Variants in NDST4 observed in about 807,000 individuals in gnomAD.
NDST4 encodes N-deacetylase and N-sulfotransferase 4.
Under a neutral mutation model 100.8 loss-of-function variants are expected in NDST4, and 63 were observed. That is an observed-to-expected ratio of 0.62 (90% CI 0.51 to 0.77). The LOEUF is 0.77. Ranked by LOEUF, NDST4 falls within the 30% of genes least tolerant of loss-of-function variation. NDST4 has a pLI of 0.00. For missense variants in NDST4, 943 were observed against 1,018.4 expected (o/e 0.93, Z 1.01); for synonymous variants, 377 against 361.8 (o/e 1.04, Z -0.48).
intron 2 of NDST4, among the ~76,000 whole-genome samples, chr4:115,054,774 A>G (rs764575384): frequency 2.2e-4 from 34 of 152,132 alleles, no homozygotes; most frequent in Non-Finnish European, 4.4e-4. Flanking sequence ...CTTATATGTT[A>G]GTATTATCCT....
chr4:114,867,470 A>G (rs1349661500), intron 7 of NDST4, among the ~76,000 whole-genome samples: 1 of 152,000 alleles, frequency 6.6e-6, no homozygotes, highest in Admixed American at 6.6e-5. Flanking sequence ...AAAAGCAGGA[A>G]TCCACATCAT....
intron 1 of NDST4, among the ~76,000 whole-genome samples, chr4:115,092,356 A>G (rs567227): frequency 0.75 from 114,204 of 152,066 alleles, 43,680 homozygotes; most frequent in African/African-American, 0.88. Flanking sequence ...GGAGGCTGGA[A>G]AACAATTATT....
chr4:114,981,977 C>T (rs1187719876), intron 2 of NDST4, among the ~76,000 whole-genome samples: 1 of 152,106 alleles, frequency 6.6e-6, no homozygotes, highest in Non-Finnish European at 1.5e-5. Flanking sequence ...TGTCTCATGA[C>T]AGAGTTCTCA....
intron 2 of NDST4, among the ~76,000 whole-genome samples, chr4:115,029,992 C>A (rs1472618301): frequency 6.6e-6 from 1 of 152,074 alleles, no homozygotes; most frequent in African/African-American, 2.4e-5. Context: ...AAATTATTTT[C>A]TTTCAACACA....
At chr4:114,942,185 A>C (rs182352736) in intron 4 of NDST4, among the ~76,000 whole-genome samples, 1 of 152,326 alleles carries the variant, frequency 6.6e-6, no homozygotes, top group East Asian at 1.9e-4. Context: ...AATGCACATC[A>C]AAACAATTAA....
intron 2 of NDST4, among the ~76,000 whole-genome samples, chr4:115,025,144 C>G (rs1468980814): frequency 6.6e-6 from 1 of 151,998 alleles, no homozygotes; most frequent in African/African-American, 2.4e-5. Context: ...AAAACAAAGA[C>G]AGACCCCACA....
rs755092048 is a variant in NDST4, at chr4:114,848,338, C to T, written c.1817G>A (p.Gly606Glu). The change falls in exon 9 of 14, where the codon GGA becomes GAA. Residue 606 changes from glycine to glutamate, a missense_variant and splice_region_variant. By Grantham distance (98) the Gly-to-Glu change is moderately conservative. Coordinates refer to ENST00000264363, the MANE Select transcript of NDST4 (RefSeq NM_022569.3). Reference protein sequence around the residue: ...KFLVIGPQKTGTTALYLFLLM... With the variant: ...KFLVIGPQKTETTALYLFLLM... Reference sequence around the variant, plus strand: ...AAGAAATAAATAAAGTGCAGTTGTTCCTGTTACAAAAAAAGAAAGTAAAAG... The same window carrying T: ...AAGAAATAAATAAAGTGCAGTTGTTTCTGTTACAAAAAAAGAAAGTAAAAG... The T allele has an allele frequency of 6.4e-7, 1 of 1,569,288 alleles. No individual in the cohort carries two copies.
chr4:114,941,544 T>C (rs1725751283), intron 4 of NDST4, among the ~76,000 whole-genome samples: 1 of 152,208 alleles, frequency 6.6e-6, no homozygotes, highest in Non-Finnish European at 1.5e-5. Flanking sequence ...TCAAGACCAA[T>C]TTCAGAAGGC....
intron 11 of NDST4, among the ~76,000 whole-genome samples, chr4:114,834,722 G>A (rs1331558839): frequency 4.6e-5 from 7 of 152,026 alleles, no homozygotes; most frequent in African/African-American, 1.7e-4. Context: ...GGTAGAATTC[G>A]GCTGTGAAGC....
In NDST4 at chr4:114,937,314, T is replaced by G; in HGVS notation, c.1407+4A>C. On this transcript the variant is annotated splice_donor_region_variant and intron_variant, in intron 5 of 13. Transcript: ENST00000264363. ...CTTCAATATACATGGCTCTCTGTGCTCACCATGATGCTATTGTGAATGAAG... is the reference window on the plus strand; with the variant it reads ...CTTCAATATACATGGCTCTCTGTGCGCACCATGATGCTATTGTGAATGAAG... 6.2e-7 allele frequency: 1 copy of G among 1,613,954 alleles called. No individual in the cohort carries two copies. Among genetic ancestry groups the G allele is most frequent in the Non-Finnish European group, 8.5e-7 (1 of 1,179,804 alleles).
At chr4:115,004,663 T>C (rs1226037993) in intron 2 of NDST4, among the ~76,000 whole-genome samples, 1 of 152,160 alleles carries the variant, frequency 6.6e-6, no homozygotes, top group Non-Finnish European at 1.5e-5. Context: ...CAAATCACAG[T>C]ACAATTTGAA....
intron 1 of NDST4, among the ~76,000 whole-genome samples, chr4:115,091,625 C>T (rs1729522271): frequency 6.6e-6 from 1 of 151,982 alleles, no homozygotes; most frequent in Non-Finnish European, 1.5e-5. Flanking sequence ...TTAAAGTTGT[C>T]ACATTATGTG....
At chr4:114,880,020 G>A (rs1271759136) in intron 6 of NDST4, among the ~76,000 whole-genome samples, 1 of 151,950 alleles carries the variant, frequency 6.6e-6, no homozygotes, top group East Asian at 1.9e-4. Context: ...AGACTGGCTA[G>A]AGTGTAAACA....
chr4:115,033,573 C>A (rs904597145), intron 2 of NDST4, among the ~76,000 whole-genome samples: 1 of 151,608 alleles, frequency 6.6e-6, no homozygotes, highest in Non-Finnish European at 1.5e-5. Flanking sequence ...GGAGTAAGAG[C>A]TCTCATTTGA....
chr4:115,023,292 C>G (rs1453752804), intron 2 of NDST4, among the ~76,000 whole-genome samples: 1 of 152,038 alleles, frequency 6.6e-6, no homozygotes, highest in Admixed American at 6.6e-5. Context: ...TCGAGACCAG[C>G]CTGACCAACA....
At chr4:114,959,918 T>C (rs1726223557) in intron 4 of NDST4, among the ~76,000 whole-genome samples, 1 of 152,170 alleles carries the variant, frequency 6.6e-6, no homozygotes, top group South Asian at 2.1e-4. Context: ...TGAAAATTAT[T>C]AATTTACACA....
chr4:114,890,609 T>C (rs1724572992), intron 6 of NDST4, among the ~76,000 whole-genome samples: 1 of 152,064 alleles, frequency 6.6e-6, no homozygotes, highest in South Asian at 2.1e-4. Context: ...TAAGCAATAG[T>C]TAGAGATTTC....
At chr4:115,039,624 T>C (rs535867279) in intron 2 of NDST4, among the ~76,000 whole-genome samples, 2 of 152,272 alleles carry the variant, frequency 1.3e-5, no homozygotes, top group South Asian at 4.1e-4. Flanking sequence ...ATAAAAAATT[T>C]GCATCGTCTA....
intron 6 of NDST4, among the ~76,000 whole-genome samples, chr4:114,879,521 C>G (rs1469500366): frequency 6.6e-6 from 1 of 152,158 alleles, no homozygotes; most frequent in Non-Finnish European, 1.5e-5. Flanking sequence ...CCACTCACTA[C>G]CTGACATATT....
Sources: allele counts gnomAD v4.1 joint callset (sites outside exome capture counted in the v4.1 genomes callset), GRCh38; gene constraint gnomAD v4.1.1; transcripts MANE v1.5; gene names NCBI Gene and HGNC (gene_info 2026-07-23, HGNC 2026-07-21).